Variants in CACNA1C observed in about 807,000 individuals in gnomAD.
CACNA1C encodes the protein calcium voltage-gated channel subunit alpha1 C, also known as voltage-dependent L-type calcium channel subunit alpha-1C.
In CACNA1C, 30 loss-of-function variants were observed where a neutral mutation model predicts 229.0. The observed-to-expected ratio is 0.13, with a 90% CI of 0.10 to 0.18. The LOEUF (loss-of-function observed/expected upper bound fraction) is 0.18, where lower values mean the gene tolerates loss of function less well. Among genes scored for constraint, CACNA1C ranks in the 10% least tolerant of loss-of-function variants. CACNA1C has a pLI of 1.00. For synonymous variants in CACNA1C, 1,114 were observed against 1,132.5 expected (o/e 0.98, Z 0.33); for missense variants, 1,658 against 2,845.0 (o/e 0.58, Z 9.49).
At chr12:2,265,035 C>T (rs544107559) in intron 3 of CACNA1C, among the ~76,000 whole-genome samples, 13 of 152,330 alleles carry the variant, frequency 8.5e-5, no homozygotes, top group South Asian at 2.1e-4. Context: ...AGCTCTAGGA[C>T]GCCTGCCTGA....
In CACNA1C at chr12:2,452,415, C is replaced by T. The variant is rs550478190; in HGVS notation, c.617+3300C>T. Among the ~76,000 whole-genome samples, 12 of 152,250 alleles carry T rather than the reference C, an allele frequency of 7.9e-5. No individual in the cohort carries two copies. In the East Asian group the frequency reaches 1.9e-3, roughly 25 times the overall value. ...GAGGCTTTGTTGCATCCCTACCTCC[C>T]TAGCAGGGTGGAGGCCCTGCCTTTC... On this transcript the variant is annotated intron_variant, in intron 4 of 46. Coordinates refer to ENST00000399655, the MANE Select transcript of CACNA1C (RefSeq NM_000719.7).
rs911514917 is a variant in CACNA1C, at chr12:2,630,485, A to C, written c.3829-3812A>C. Reference sequence around the variant, plus strand: ...TTGTTTCTGGGCAGGGTGTGGTCCAAGTGGGAGGAAGGGGCTGTTGAAATA... The same window carrying C: ...TTGTTTCTGGGCAGGGTGTGGTCCACGTGGGAGGAAGGGGCTGTTGAAATA... On this transcript the variant is annotated intron_variant, in intron 29 of 46. Transcript: ENST00000399655. This position sits in a 1 kb window ranked among gnomAD's most constrained non-coding sequence, Gnocchi z 5.4. 3.9e-5 allele frequency among the ~76,000 whole-genome samples: 6 copies of C among 152,046 alleles called. No homozygotes were observed. Among genetic ancestry groups the C allele is most frequent in the Non-Finnish European group, 7.4e-5 (5 of 68,010 alleles).
In CACNA1C at chr12:2,164,291, A is replaced by G. The variant is rs568415715; in HGVS notation, c.477+43861A>G. Among the ~76,000 whole-genome samples the G allele has an allele frequency of 3.9e-5, 6 of 152,354 alleles. No homozygotes were observed. In the East Asian group the frequency reaches 9.6e-4, roughly 24 times the overall value. On this transcript the variant is annotated intron_variant, in intron 3 of 46. Coordinates refer to ENST00000399655, the MANE Select transcript of CACNA1C (RefSeq NM_000719.7). ...CACAGTGCCTGGCTGTGCTGGGTAC[A>G]CATGAAGGCTGACGGTTCACTGAAT...
In CACNA1C at chr12:2,504,501, C is replaced by CT; in HGVS notation, c.1114-336dup. 2 of 1,611,450 alleles carry CT rather than the reference C, an allele frequency of 1.2e-6. No individual in the cohort carries two copies. The highest frequency in any genetic ancestry group is 1.7e-6 in the Non-Finnish European group (2 of 1,177,746). On this transcript the variant is annotated intron_variant, in intron 7 of 46. Transcript: ENST00000399655. The surrounding 1 kb of genome is among the most constrained non-coding windows in gnomAD (Gnocchi z 6.8). ...TTGTCAGTCTGGTCATCTTTGGATC[C>CT]TTTTTCGTTCTAAATCTGGTTCTCG... is the stretch of plus-strand genomic sequence containing the variant.
intron 27 of CACNA1C, 144 bp from the exon 28 acceptor site, chr12:2,610,397 C>T (rs879025474): frequency 3.5e-5 from 26 of 751,412 alleles, no homozygotes; most frequent in Admixed American, 2.2e-4. Context: ...GTAAGTGAGC[C>T]GGAGCGGCCA....
rs761099333 is a variant in CACNA1C at position 2,488,729 on chromosome 12, A to G, written c.916+2467A>G. Among the ~76,000 whole-genome samples, 4 of 152,246 alleles carry G rather than the reference A, an allele frequency of 2.6e-5. No homozygotes were observed. Among genetic ancestry groups the G allele is most frequent in the Non-Finnish European group, 4.4e-5 (3 of 68,042 alleles). On this transcript the variant is annotated intron_variant, in intron 6 of 46. Coordinates refer to ENST00000399655, the MANE Select transcript of CACNA1C (RefSeq NM_000719.7). This position sits in a 1 kb window ranked among gnomAD's most constrained non-coding sequence, Gnocchi z 4.0. The stretch of plus-strand genomic sequence containing the variant: ...AGAGAGAAGGGCCCTGCCAGGCTCC[A>G]TGAGAAGGTGGCCTCACTCATTCGC...
intron 1 of CACNA1C, among the ~76,000 whole-genome samples, chr12:1,994,314 G>T (rs2040268526): frequency 6.6e-6 from 1 of 152,180 alleles, no homozygotes; most frequent in Admixed American, 6.5e-5. Flanking sequence ...CAAACCCACA[G>T]AAATGTTATG....
chr12:2,492,450 T>C (rs1387934557), intron 6 of CACNA1C, among the ~76,000 whole-genome samples: 1 of 152,244 alleles, frequency 6.6e-6, no homozygotes, highest in Non-Finnish European at 1.5e-5. Context: ...AAAGTATTCA[T>C]GCTGCAGAGC....
chr12:2,149,703 C>T (rs900201253), intron 3 of CACNA1C, among the ~76,000 whole-genome samples: 3 of 152,046 alleles, frequency 2.0e-5, no homozygotes, highest in African/African-American at 4.8e-5. Context: ...CAGTTTTAGG[C>T]GGAAGGTGGG....
chr12:2,194,773 G>T (rs185714633), intron 3 of CACNA1C, among the ~76,000 whole-genome samples: 27 of 152,300 alleles, frequency 1.8e-4, no homozygotes, highest in African/African-American at 5.5e-4. Flanking sequence ...CCCTGCCGTG[G>T]AGCACCTGAG....
At chr12:2,299,575 G>GA (rs2094392330) in intron 3 of CACNA1C, among the ~76,000 whole-genome samples, 1 of 152,148 alleles carries the variant, frequency 6.6e-6, no homozygotes, top group Non-Finnish European at 1.5e-5. Flanking sequence ...TGATCTTTGA[G>GA]AAAATACAGA....
chr12:2,496,627 G>A (rs2099747330), intron 7 of CACNA1C, among the ~76,000 whole-genome samples: 2 of 152,198 alleles, frequency 1.3e-5, no homozygotes, highest in East Asian at 1.9e-4. Flanking sequence ...AGATTTTAAA[G>A]AGTGGACTAA....
At chr12:2,126,228 T>G (rs985792225) in intron 3 of CACNA1C, among the ~76,000 whole-genome samples, 1 of 152,254 alleles carries the variant, frequency 6.6e-6, no homozygotes, top group Non-Finnish European at 1.5e-5. Flanking sequence ...TTTGTTATCT[T>G]TTCCTCATGC....
chr12:2,228,678 C>T (rs2063771736), intron 3 of CACNA1C, among the ~76,000 whole-genome samples: 1 of 152,194 alleles, frequency 6.6e-6, no homozygotes, highest in African/African-American at 2.4e-5. Context: ...TCTCCAGGTA[C>T]ACTCATTCCA....
chr12:2,215,778 G>A lies in CACNA1C; in HGVS notation c.477+95348G>A, dbSNP rs961001242. On this transcript the variant is annotated intron_variant, in intron 3 of 46. Coordinates refer to ENST00000399655, the MANE Select transcript of CACNA1C (RefSeq NM_000719.7). This position sits in a 1 kb window ranked among gnomAD's most constrained non-coding sequence, Gnocchi z 5.0. ...TTGGAGGGCTCTTTGCAAAGAGGCA[G>A]AAGAGCCCCAAGGTGAGTTGAAGGG... 7.2e-5 allele frequency among the ~76,000 whole-genome samples: 11 copies of A among 152,216 alleles called. No individual in the cohort carries two copies. The highest frequency in any genetic ancestry group is 2.7e-4 in the African/African-American group (11 of 41,456).
At chr12:2,217,971 T>C (rs1359348365) in intron 3 of CACNA1C, 2 of 152,172 alleles carry the variant, frequency 1.3e-5, no homozygotes, top group Non-Finnish European at 2.9e-5. Flanking sequence ...TTGAGATAGA[T>C]ATTCAGTCTC....
At chr12:2,066,855 C>T (rs1017090336) in intron 1 of CACNA1C, among the ~76,000 whole-genome samples, 2 of 151,542 alleles carry the variant, frequency 1.3e-5, no homozygotes. Flanking sequence ...ATGGGGGGAG[C>T]TGGAAAGGAG....
intron 3 of CACNA1C, among the ~76,000 whole-genome samples, chr12:2,159,493 A>G (rs115781293): frequency 0.012 from 1,790 of 150,762 alleles, 15 homozygotes; most frequent in Middle Eastern, 0.028. Flanking sequence ...GACCCTGTCA[A>G]TAAATAAATA....
intron 1 of CACNA1C, chr12:1,991,472 T>A (rs1673372751): frequency 4.2e-6 from 1 of 240,446 alleles, no homozygotes; most frequent in African/African-American, 2.3e-5. Context: ...TAATAATATA[T>A]TTTATTTTGC....
Sources: allele counts gnomAD v4.1 joint callset (sites outside exome capture counted in the v4.1 genomes callset), GRCh38; gene constraint gnomAD v4.1.1; non-coding constraint Gnocchi (gnomAD v3.1); transcripts MANE v1.5; gene names NCBI Gene and HGNC (gene_info 2026-07-23, HGNC 2026-07-21).